The following CDK19 variants were observed in gnomAD, a reference collection of about 807,000 sequenced individuals.
The protein encoded by CDK19 is cyclin dependent kinase 19.
A neutral mutation model predicts 68.3 loss-of-function variants in CDK19; 20 were observed. That is an observed-to-expected ratio of 0.29 (90% CI 0.21 to 0.43). The LOEUF (loss-of-function observed/expected upper bound fraction) is 0.43, where lower values mean the gene tolerates loss of function less well. CDK19 is among the 20% of genes least tolerant of loss of function. The pLI is 1.00. For missense variants in CDK19, 339 were observed against 623.5 expected, an observed-to-expected ratio of 0.54 and a Z score of 4.86; for synonymous variants, 221 against 222.8, an observed-to-expected ratio of 0.99 and a Z score of 0.07.
At chr6:110,723,534 T>C (rs1010895487) in intron 2 of CDK19, among the ~76,000 whole-genome samples, 30 of 152,208 alleles carry the variant, frequency 2.0e-4, no homozygotes, top group African/African-American at 5.8e-4. Flanking sequence ...ATCTCTAAAA[T>C]TGGATATTTT....
chr6:110,627,212 G>T, intron 6 of CDK19, 67 bp from the exon 7 acceptor site: 1 of 1,181,604 alleles, frequency 8.5e-7, no homozygotes, highest in Non-Finnish European at 1.2e-6. Flanking sequence ...TATAATCCCA[G>T]CCTACTTATA....
At chr6:110,772,056 C>T (rs999253484) in intron 1 of CDK19, among the ~76,000 whole-genome samples, 2 of 152,200 alleles carry the variant, frequency 1.3e-5, no homozygotes, top group African/African-American at 4.8e-5. Flanking sequence ...CAAACTGTTC[C>T]AACCTCTGCC....
intron 2 of CDK19, among the ~76,000 whole-genome samples, chr6:110,742,150 C>G (rs1227403046): frequency 2.0e-5 from 3 of 152,198 alleles, no homozygotes; most frequent in Non-Finnish European, 4.4e-5. Context: ...GGAGCCGCAG[C>G]AGAGGAACAT....
chr6:110,776,809 TA>T (rs1480985095), intron 1 of CDK19, among the ~76,000 whole-genome samples: 2 of 152,202 alleles, frequency 1.3e-5, no homozygotes, highest in Non-Finnish European at 2.9e-5. Flanking sequence ...TCCCATCCAT[TA>T]AAACAATAAT....
At chr6:110,680,887 C>T (rs1223322691) in intron 2 of CDK19, among the ~76,000 whole-genome samples, 1 of 152,138 alleles carries the variant, frequency 6.6e-6, no homozygotes, top group Non-Finnish European at 1.5e-5. Flanking sequence ...ATCCCAGCTA[C>T]TCAGGAGGCT....
rs545359147 is a variant in CDK19 at position 110,719,381 on chromosome 6, G to C, written c.204+26745C>G. On this transcript the variant is annotated intron_variant, in intron 2 of 12. Transcript: ENST00000368911. The stretch of plus-strand genomic sequence containing the variant: ...TTTTTAAATTTTTGGTAGAGACAGG[G>C]TCCCACTATGCCTATGCCTGCAGTC... Among the ~76,000 whole-genome samples, 3 of 152,208 alleles carry C rather than the reference G, an allele frequency of 2.0e-5. No homozygotes were observed. In the South Asian group the frequency reaches 6.2e-4, roughly 32 times the overall value.
rs142600778 is a variant in CDK19, at chr6:110,803,051, G to A, written c.128+11958C>T. ...CTGAGATGTGACAAGGACAGCCTCC[G>A]GCACAGACAGTAAGAAGGAAGGCTT... On this transcript the variant is annotated intron_variant, in intron 1 of 12. Coordinates refer to ENST00000368911, the MANE Select transcript of CDK19 (RefSeq NM_015076.5). 5.5e-3 allele frequency among the ~76,000 whole-genome samples: 837 copies of A among 152,154 alleles called. 8 individuals carry two copies. Among genetic ancestry groups the A allele is most frequent in the African/African-American group, 0.02 (813 of 41,542 alleles).
intron 2 of CDK19, among the ~76,000 whole-genome samples, chr6:110,742,673 T>C (rs1562251353): frequency 6.6e-6 from 1 of 152,118 alleles, no homozygotes; most frequent in African/African-American, 2.4e-5. Flanking sequence ...GTGTCTGTCT[T>C]ATGCAGTTGA....
In CDK19 at chr6:110,634,493, C is replaced by T. The variant is rs550009941; in HGVS notation, c.515-2332G>A. Among the ~76,000 whole-genome samples the T allele has an allele frequency of 9.6e-4, 146 of 152,350 alleles. 1 individual carries two copies. The highest frequency in any genetic ancestry group is 1.5e-3 in the Non-Finnish European group (102 of 68,034). On this transcript the variant is annotated intron_variant, in intron 5 of 12. Coordinates refer to ENST00000368911, the MANE Select transcript of CDK19 (RefSeq NM_015076.5). ...TCAGCCTCCCAAAGGGCTGGGATTA[C>T]AGGCATGAGCCACTGAGCCCGGCCT...
chr6:110,721,643 AC>A (rs1775895706), intron 2 of CDK19, among the ~76,000 whole-genome samples: 1 of 152,122 alleles, frequency 6.6e-6, no homozygotes, highest in Non-Finnish European at 1.5e-5. Flanking sequence ...GAAAAACATG[AC>A]TTGTGTTTCC....
At chr6:110,798,646 AAAAGAAAG>A (rs1237274281) in intron 1 of CDK19, among the ~76,000 whole-genome samples, 1 of 148,888 alleles carries the variant, frequency 6.7e-6, no homozygotes, top group Non-Finnish European at 1.5e-5. Flanking sequence ...AAAAAAAAAA[AAAAGAAAG>A]AAAGAAACTT....
At chr6:110,721,834 C>T (rs976440725) in intron 2 of CDK19, among the ~76,000 whole-genome samples, 22 of 151,950 alleles carry the variant, frequency 1.4e-4, no homozygotes, top group African/African-American at 4.6e-4. Flanking sequence ...CGTGGTGGTG[C>T]GCGCCTGTAA....
intron 1 of CDK19, among the ~76,000 whole-genome samples, chr6:110,764,130 T>A (rs1779414756): frequency 6.6e-6 from 1 of 152,176 alleles, no homozygotes; most frequent in Admixed American, 6.5e-5. Flanking sequence ...GGAGAGATAT[T>A]CCACATATAA....
At chr6:110,665,717 T>C (rs375327473) in intron 4 of CDK19, among the ~76,000 whole-genome samples, 1 of 152,208 alleles carries the variant, frequency 6.6e-6, no homozygotes, top group African/African-American at 2.4e-5. Context: ...GTTCTTCTCA[T>C]GATCTAGAAC....
chr6:110,676,160 G>A (rs188313345), intron 2 of CDK19, among the ~76,000 whole-genome samples: 124 of 152,282 alleles, frequency 8.1e-4, no homozygotes, highest in African/African-American at 2.9e-3. Context: ...GGAGTTCAAG[G>A]TATCAGTGGA....
At chr6:110,758,413 C>A (rs981256551) in intron 1 of CDK19, among the ~76,000 whole-genome samples, 1 of 152,152 alleles carries the variant, frequency 6.6e-6, no homozygotes. Flanking sequence ...GTTCAATACT[C>A]TCTCAAGGAC....
chr6:110,785,781 G>C lies in CDK19; in HGVS notation c.128+29228C>G, dbSNP rs955151705. On this transcript the variant is annotated intron_variant, in intron 1 of 12. Transcript: ENST00000368911. ...AGATCGCCTGAGTTTGGGAGTTGGC[G>C]ACCAGCCTGACCAACATAGAGAAAA... 3.3e-5 allele frequency among the ~76,000 whole-genome samples: 5 copies of C among 152,172 alleles called. No individual in the cohort carries two copies. The South Asian group carries it at 1.0e-3, about 32-fold the overall frequency.
At chr6:110,682,652 G>C (rs1772115111) in intron 2 of CDK19, among the ~76,000 whole-genome samples, 1 of 152,110 alleles carries the variant, frequency 6.6e-6, no homozygotes, top group Non-Finnish European at 1.5e-5. Context: ...GCTCCAGGGA[G>C]GTCAATGTTC....
chr6:110,815,380 AC>A lies in CDK19; in HGVS notation c.-245del, dbSNP rs760606874. 2 of 367,640 alleles carry A rather than the reference AC, an allele frequency of 5.4e-6. No individual in the cohort carries two copies. Among genetic ancestry groups the A allele is most frequent in the Non-Finnish European group, 4.8e-6 (1 of 208,388 alleles). The allele number at this position is 367,640 out of a possible 1,614,324, so 22.8% of individuals were successfully genotyped here. A position where few individuals can be genotyped will look rare whatever the true frequency, so the allele number is the denominator to read the frequency against. On this transcript the variant is annotated 5_prime_UTR_variant, in exon 1 of 13. It removes the in-frame stop codon of an upstream open reading frame in the 5' UTR. Transcript: ENST00000368911. ...GACGGCGGCGGCGGCTCCCGCAGGC[AC>A]CCCCAGTCCCGCCTCCCTCCTTCAT...
Sources: allele counts gnomAD v4.1 joint callset (sites outside exome capture counted in the v4.1 genomes callset), GRCh38; gene constraint gnomAD v4.1.1; transcripts MANE v1.5; gene names NCBI Gene and HGNC (gene_info 2026-07-23, HGNC 2026-07-21).